Variants in CHRM4 observed in about 807,000 individuals in gnomAD.
The protein encoded by CHRM4 is cholinergic receptor muscarinic 4, also known as muscarinic acetylcholine receptor M4.
CHRM4 carries 5 observed loss-of-function variants against 26.3 expected under a neutral mutation model. The observed-to-expected ratio is 0.19, with a 90% CI of 0.10 to 0.40. CHRM4 has a LOEUF of 0.40. CHRM4 is among the 10% of genes least tolerant of loss of function. The pLI is 1.00. For synonymous variants in CHRM4, 290 were observed against 285.3 expected (o/e 1.02, Z -0.16); for missense variants, 402 against 664.5 (o/e 0.60, Z 4.34).
intron 1 of CHRM4, among the ~76,000 whole-genome samples, chr11:46,388,749 T>G (rs1565105634): frequency 6.6e-6 from 1 of 152,194 alleles, no homozygotes; most frequent in Non-Finnish European, 1.5e-5. Flanking sequence ...ACCAGGAGGC[T>G]GCCCTCCCCC....
Position 46,383,989 on chromosome 11 carries a change from G to A in CHRM4, c.*1129C>T, listed in dbSNP as rs1275507143. 1.3e-5 allele frequency among the ~76,000 whole-genome samples: 2 copies of A among 152,132 alleles called. No individual in the cohort carries two copies. Among genetic ancestry groups the A allele is most frequent in the Admixed American group, 1.3e-4 (2 of 15,278 alleles). On this transcript the variant is annotated 3_prime_UTR_variant, in exon 2 of 2. Coordinates refer to ENST00000682254, the MANE Select transcript of CHRM4 (RefSeq NM_000741.5). ...AACAATTACAAACATTTCTTCCAGG[G>A]CCCCTGAAAGGGTGCTCCCCATCAA...
chr11:46,387,275 T>C (rs927140398), intron 1 of CHRM4, among the ~76,000 whole-genome samples: 10 of 152,226 alleles, frequency 6.6e-5, no homozygotes, highest in Non-Finnish European at 1.3e-4. Flanking sequence ...CCAAGCACTT[T>C]TGACACTTAA....
Position 46,385,404 on chromosome 11 carries a change from A to G in CHRM4, c.1154T>C (p.Val385Ala). Residue 385 changes from valine (V) to alanine (A), a missense_variant, in exon 2 of 2, where the codon GTG (valine) becomes GCG (alanine). By Grantham distance (64) the Val-to-Ala change is moderately conservative. This residue lies in a region of CHRM4 where 205 missense variants were observed against 244.0 expected (regional missense o/e 0.84). Transcript: ENST00000682254. This position sits in a 1 kb window ranked among gnomAD's most constrained non-coding sequence, Gnocchi z 6.3. ...GGCCGCCATCTGCCGCTTCTTGCGC[A>G]CCTGGTTGCGAGCGATGCTGGCGAA... ...RKFASIARNQ[V>A]RKKRQMAARE... 1.2e-6 allele frequency: 2 copies of G among 1,610,086 alleles called. No homozygotes were observed. The highest frequency in any genetic ancestry group is 1.7e-6 in the Non-Finnish European group (2 of 1,176,880).
In CHRM4 at chr11:46,386,309, G is replaced by C. The variant is rs200198144; in HGVS notation, c.249C>G (p.Ala83=). The change falls in exon 2 of 2, where the codon GCC becomes GCG. Residue 83 remains alanine, a synonymous_variant. Transcript: ENST00000682254. The surrounding 1 kb of genome is among the most constrained non-coding windows in gnomAD (Gnocchi z 5.8). ...SLACADLIIG[A]FSMNLYTVYI... ...ACACGGTGTAGAGGTTCATGGAGAA[G>C]GCGCCTATGATGAGATCAGCACACG... 1.2e-6 allele frequency: 2 copies of C among 1,613,922 alleles called. No individual in the cohort carries two copies. Among genetic ancestry groups the C allele is most frequent in the Non-Finnish European group, 1.7e-6 (2 of 1,179,902 alleles).
rs768151200 is a variant in CHRM4 at position 46,384,193 on chromosome 11, G to A, written c.*925C>T. On this transcript the variant is annotated 3_prime_UTR_variant, in exon 2 of 2. Coordinates refer to ENST00000682254, the MANE Select transcript of CHRM4 (RefSeq NM_000741.5). ...GGGGGAGAGCAGATGCGAGGGCTGC[G>A]TGCCTACCTCACTGCCCACCTCCCC... Among the ~76,000 whole-genome samples the A allele has an allele frequency of 1.1e-4, 17 of 152,202 alleles. No individual in the cohort carries two copies. Among genetic ancestry groups the A allele is most frequent in the Admixed American group, 1.3e-4 (2 of 15,274 alleles).
At chr11:46,387,251 T>G (rs1945349937) in intron 1 of CHRM4, among the ~76,000 whole-genome samples, 1 of 152,188 alleles carries the variant, frequency 6.6e-6, no homozygotes, top group Non-Finnish European at 1.5e-5. Context: ...CTAACACTGA[T>G]GGTCTACTAA....
intron 1 of CHRM4, among the ~76,000 whole-genome samples, chr11:46,388,179 G>A (rs1287535873): frequency 3.3e-5 from 5 of 152,156 alleles, no homozygotes; most frequent in Admixed American, 1.3e-4. Flanking sequence ...TCACAGCCAC[G>A]CCAGCCCAGC....
chr11:46,390,351 C>T (rs1378919220), intron 1 of CHRM4, among the ~76,000 whole-genome samples: 1 of 152,238 alleles, frequency 6.6e-6, no homozygotes, highest in Non-Finnish European at 1.5e-5. Flanking sequence ...CTCTGACTGA[C>T]ATCTGTCGAG....
chr11:46,388,179 G>T (rs1287535873), intron 1 of CHRM4, among the ~76,000 whole-genome samples: 1 of 152,274 alleles, frequency 6.6e-6, no homozygotes, highest in East Asian at 1.9e-4. Flanking sequence ...TCACAGCCAC[G>T]CCAGCCCAGC....
chr11:46,390,654 T>C (rs1945382832), intron 1 of CHRM4, among the ~76,000 whole-genome samples: 1 of 152,210 alleles, frequency 6.6e-6, no homozygotes, highest in Non-Finnish European at 1.5e-5. Flanking sequence ...TCGAGGGCCG[T>C]GTTTTCCTAG....
chr11:46,384,936 G>A lies in CHRM4; in HGVS notation c.*182C>T. The A allele has an allele frequency of 1.9e-5, 11 of 567,040 alleles. No homozygotes were observed. The highest frequency in any genetic ancestry group is 2.2e-5 in the Non-Finnish European group (10 of 447,788). The allele number at this position is 567,040 out of a possible 1,614,324, so 35.1% of individuals were successfully genotyped here. On this transcript the variant is annotated 3_prime_UTR_variant, in exon 2 of 2. Transcript: ENST00000682254. ...CCAGTTCAGACACTCCCTGGGGTGA[G>A]CCTCCTCAGCCTGAGCAGAGATCTG...
chr11:46,385,852 C>T lies in CHRM4; in HGVS notation c.706G>A (p.Glu236Lys), dbSNP rs201595336. Residue 236 changes from glutamate to lysine, a missense_variant, in exon 2 of 2, where the codon GAG becomes AAG. This residue lies in a region of CHRM4 where 205 missense variants were observed against 244.0 expected (regional missense o/e 0.84). Coordinates refer to ENST00000682254, the MANE Select transcript of CHRM4 (RefSeq NM_000741.5). This position sits in a 1 kb window ranked among gnomAD's most constrained non-coding sequence, Gnocchi z 6.3. ...AAGGCCAGCGTCTTGGCTTTCTTCT[C>T]CTTCGGGCCCTCGGGCCGGTGCTTG... ...VHKHRPEGPK[E>K]KKAKTLAFLK... is the part of the protein sequence containing the mutation. 3.0e-5 allele frequency: 48 copies of T among 1,606,042 alleles called. No homozygotes were observed. In the Admixed American group the frequency reaches 4.3e-4, roughly 14 times the overall value.
chr11:46,384,372 G>A lies in CHRM4; in HGVS notation c.*746C>T, dbSNP rs1007572641. Among the ~76,000 whole-genome samples, 3 of 152,342 alleles carry A rather than the reference G, an allele frequency of 2.0e-5. No individual in the cohort carries two copies. Among genetic ancestry groups the A allele is most frequent in the South Asian group, 2.1e-4 (1 of 4,826 alleles). On this transcript the variant is annotated 3_prime_UTR_variant, in exon 2 of 2. Coordinates refer to ENST00000682254, the MANE Select transcript of CHRM4 (RefSeq NM_000741.5). ...ATCCACCACAGCCTCACCCTGACTC[G>A]ATGTGTGACCTGGGACAGCCTTCTA...
In CHRM4 at chr11:46,385,505, A is replaced by C. The variant is rs753069194; in HGVS notation, c.1053T>G (p.Asn351Lys). The C allele has an allele frequency of 1.3e-6, 2 of 1,590,026 alleles. No homozygotes were observed. Among genetic ancestry groups the C allele is most frequent in the Non-Finnish European group, 1.7e-6 (2 of 1,161,536 alleles). The change falls in exon 2 of 2, where the codon AAT becomes AAG. Residue 351 changes from asparagine to lysine, a missense_variant. Coordinates refer to ENST00000682254, the MANE Select transcript of CHRM4 (RefSeq NM_000741.5). The surrounding 1 kb of genome is among the most constrained non-coding windows in gnomAD (Gnocchi z 6.3). ...CAATCTCAATGGCTGTCACACACTC[A>C]TTGCCTGTCTGCTTCGTCACAATCT... ...KIQIVTKQTG[N>K]ECVTAIEIVP...
rs1945317354 is a variant in CHRM4 at position 46,384,844 on chromosome 11, A to T, written c.*274T>A. On this transcript the variant is annotated 3_prime_UTR_variant, in exon 2 of 2. Coordinates refer to ENST00000682254, the MANE Select transcript of CHRM4 (RefSeq NM_000741.5). Reference sequence around the variant, plus strand: ...TGCTGATGGTTGGTCACAGTGGGGCAGGTGCCCACCCAGGCCAGTGCCCCG... The same window carrying T: ...TGCTGATGGTTGGTCACAGTGGGGCTGGTGCCCACCCAGGCCAGTGCCCCG... 6.6e-6 allele frequency among the ~76,000 whole-genome samples: 1 copy of T among 152,216 alleles called. No individual in the cohort carries two copies. The highest frequency in any genetic ancestry group is 1.5e-5 in the Non-Finnish European group (1 of 68,042).
chr11:46,388,009 C>T (rs1945358781), intron 1 of CHRM4, among the ~76,000 whole-genome samples: 1 of 152,210 alleles, frequency 6.6e-6, no homozygotes, highest in Admixed American at 6.5e-5. Context: ...CTGAGCCTGC[C>T]CTCCCTCCCA....
At chr11:46,389,120 C>T (rs772514377) in intron 1 of CHRM4, among the ~76,000 whole-genome samples, 2 of 152,182 alleles carry the variant, frequency 1.3e-5, no homozygotes, top group Non-Finnish European at 2.9e-5. Context: ...CAGAAGAACC[C>T]GGGAAGCTCC....
rs1945315118 is a variant in CHRM4, at chr11:46,384,703, G to A, written c.*415C>T. 6.6e-6 allele frequency among the ~76,000 whole-genome samples: 1 copy of A among 152,170 alleles called. No homozygotes were observed. Among genetic ancestry groups the A allele is most frequent in the Non-Finnish European group, 1.5e-5 (1 of 68,030 alleles). ...GAAAGCACCGATTACAGCAGAATGG[G>A]GGACCCCACCCTTCTACTCCCTTCC... On this transcript the variant is annotated 3_prime_UTR_variant, in exon 2 of 2. Transcript: ENST00000682254.
At chr11:46,387,022 G>T (rs891819121) in intron 1 of CHRM4, among the ~76,000 whole-genome samples, 1 of 143,380 alleles carries the variant, frequency 7.0e-6, no homozygotes, top group Non-Finnish European at 1.6e-5. Context: ...CACAGCAAAG[G>T]CCTGGAGGCA....
Sources: allele counts gnomAD v4.1 joint callset (sites outside exome capture counted in the v4.1 genomes callset), GRCh38; gene constraint gnomAD v4.1.1; regional missense constraint gnomAD v4.1.1; non-coding constraint Gnocchi (gnomAD v3.1); transcripts MANE v1.5; gene names NCBI Gene and HGNC (gene_info 2026-07-23, HGNC 2026-07-21).